Variants in OR1J2 observed in about 807,000 individuals in gnomAD.
The protein encoded by OR1J2 is olfactory receptor 1J2.
For synonymous variants in OR1J2, 142 were observed against 99.7 expected, an observed-to-expected ratio of 1.42 and a Z score of -2.52; for missense variants, 304 against 246.1, an observed-to-expected ratio of 1.24 and a Z score of -1.57.
the OR1J2 span, among the ~76,000 whole-genome samples, chr9:122,472,276 C>T: frequency 0.011 from 1,671 of 152,274 alleles, 36 homozygotes; most frequent in African/African-American, 0.038. Context: ...TAATTCATAC[C>T]AGGGCCATCT....
At chr9:122,538,157 C>A in the OR1J2 span, among the ~76,000 whole-genome samples, 1 of 151,552 alleles carries the variant, frequency 6.6e-6, no homozygotes, top group Non-Finnish European at 1.5e-5. Context: ...CCCCCCAGTC[C>A]CCCTGCCCCT....
chr9:122,520,058 C>A, the OR1J2 span: 1 of 1,612,938 alleles, frequency 6.2e-7, no homozygotes, highest in South Asian at 1.1e-5. Flanking sequence ...GACTCTTCAA[C>A]AGGGCAACAG....
the OR1J2 span, among the ~76,000 whole-genome samples, chr9:122,542,211 T>C: frequency 7.2e-5 from 11 of 152,292 alleles, no homozygotes; most frequent in Admixed American, 7.2e-4. Context: ...AAATAACCCA[T>C]AGTTTATTCA....
the OR1J2 span, among the ~76,000 whole-genome samples, chr9:122,473,291 GCTTT>G: frequency 1.3e-5 from 2 of 152,184 alleles, no homozygotes; most frequent in South Asian, 4.1e-4. Context: ...ATAAGGTTAA[GCTTT>G]CTCATTCACC....
the OR1J2 span, among the ~76,000 whole-genome samples, chr9:122,531,319 G>A: frequency 1.3e-5 from 2 of 152,192 alleles, no homozygotes; most frequent in African/African-American, 2.4e-5. Context: ...GGCGGTTTGG[G>A]GATAGCACCA....
At chr9:122,448,094 C>G in the OR1J2 span, among the ~76,000 whole-genome samples, 1 of 152,106 alleles carries the variant, frequency 6.6e-6, no homozygotes, top group Non-Finnish European at 1.5e-5. Context: ...TCTCTGAGTT[C>G]CCTCAGTATT....
At chr9:122,568,172 C>T in the OR1J2 span, 5 of 1,614,114 alleles carry the variant, frequency 3.1e-6, no homozygotes, top group Admixed American at 5.0e-5. Context: ...AGAGAAAATA[C>T]ATCTGTGTCA....
At chr9:122,460,820 C>T in the OR1J2 span, among the ~76,000 whole-genome samples, 5 of 152,026 alleles carry the variant, frequency 3.3e-5, no homozygotes, top group East Asian at 1.9e-4. Context: ...AGGTCTTTCA[C>T]GTCCTTGCTT....
At chr9:122,461,691 G>A in the OR1J2 span, among the ~76,000 whole-genome samples, 1 of 152,130 alleles carries the variant, frequency 6.6e-6, no homozygotes, top group African/African-American at 2.4e-5. Context: ...TCATTCAGGA[G>A]TGGGTTATTT....
chr9:122,477,229 C>T, the OR1J2 span: 2 of 1,614,044 alleles, frequency 1.2e-6, no homozygotes, highest in Non-Finnish European at 1.7e-6. Flanking sequence ...TTTGCATATG[C>T]CCTTGGTAGA....
At chr9:122,550,187 C>T in the OR1J2 span, among the ~76,000 whole-genome samples, 8 of 151,914 alleles carry the variant, frequency 5.3e-5, no homozygotes, top group Admixed American at 1.3e-4. Context: ...ATAAAATCTC[C>T]GAAGATTGTG....
At chr9:122,527,277 C>T in the OR1J2 span, 1 of 1,608,084 alleles carries the variant, frequency 6.2e-7, no homozygotes, top group Non-Finnish European at 8.5e-7. Flanking sequence ...TTCAGAAATG[C>T]TGGATTGGTT....
the OR1J2 span, chr9:122,526,716 T>C: frequency 6.2e-7 from 1 of 1,614,090 alleles, no homozygotes; most frequent in Non-Finnish European, 8.5e-7. Flanking sequence ...CATCATCTCG[T>C]TGATGTGGGT....
the OR1J2 span, chr9:122,519,911 A>G: frequency 6.2e-7 from 1 of 1,614,038 alleles, no homozygotes. Context: ...CAATTATTGG[A>G]CTGTATTTTC....
At chr9:122,502,715 C>T in the OR1J2 span, among the ~76,000 whole-genome samples, 2 of 150,520 alleles carry the variant, frequency 1.3e-5, no homozygotes, top group South Asian at 4.2e-4. Context: ...AGAAGGAATT[C>T]AAATGATTAA....
At chr9:122,448,659 G>A in the OR1J2 span, among the ~76,000 whole-genome samples, 1 of 152,102 alleles carries the variant, frequency 6.6e-6, no homozygotes, top group African/African-American at 2.4e-5. Context: ...CTGGTTACTC[G>A]AGAATGGAGA....
chr9:122,501,742 T>C, the OR1J2 span, among the ~76,000 whole-genome samples: 3 of 152,200 alleles, frequency 2.0e-5, no homozygotes, highest in African/African-American at 4.8e-5. Flanking sequence ...AAATTATTAT[T>C]AAGTTACAGA....
the OR1J2 span, among the ~76,000 whole-genome samples, chr9:122,489,656 G>A: frequency 1.3e-5 from 2 of 152,164 alleles, no homozygotes; most frequent in African/African-American, 2.4e-5. Flanking sequence ...AGATTTCTCC[G>A]AAACAGTGCT....
chr9:122,452,768 C>T, the OR1J2 span, among the ~76,000 whole-genome samples: 1 of 152,080 alleles, frequency 6.6e-6, no homozygotes, highest in African/African-American at 2.4e-5. Flanking sequence ...GTGGCTCACG[C>T]CTGTAATCTC....
Sources: gnomAD v4.1 joint callset for allele counts (sites outside exome capture counted in the v4.1 genomes callset) on GRCh38, gnomAD v4.1.1 for gene constraint, MANE v1.5 for transcripts, NCBI Gene and HGNC (gene_info 2026-07-23, HGNC 2026-07-21) for gene names.